Variants in ABL1 observed in about 807,000 individuals in gnomAD.
ABL1 encodes tyrosine-protein kinase ABL1.
ABL1 carries 11 observed loss-of-function variants against 94.7 expected under a neutral mutation model. The ratio of observed to expected loss-of-function variants is 0.12; its 90% confidence interval spans 0.07 to 0.19. ABL1 has a LOEUF of 0.19. ABL1 is among the 10% of genes least tolerant of loss of function. The pLI, the probability that ABL1 is intolerant of heterozygous loss-of-function variation, is 1.00. For synonymous variants in ABL1, 656 were observed against 622.4 expected (o/e 1.05, Z -0.80); for missense variants, 1,082 against 1,489.4 (o/e 0.73, Z 4.50).
intron 1 of ABL1, among the ~76,000 whole-genome samples, chr9:130,728,256 C>T (rs1037087379): frequency 5.0e-4 from 37 of 73,650 alleles, no homozygotes; most frequent in African/African-American, 1.4e-3. Flanking sequence ...TTTGTGGAGA[C>T]GGGGTTTCAT....
At chr9:130,799,791 C>T (rs1222305563) in intron 1 of ABL1, among the ~76,000 whole-genome samples, 1 of 152,010 alleles carries the variant, frequency 6.6e-6, no homozygotes, top group African/African-American at 2.4e-5. Flanking sequence ...TCAAAAAAAG[C>T]TTTGTGTAAT....
In ABL1 at chr9:130,880,058, A is replaced by G. The variant is rs1831424746; in HGVS notation, c.1424-10A>G. Reference sequence around the variant, plus strand: ...TCATGGATGATCTGACTTGGGTTTCATCTGTCCAGGTTGGCAGTGGAATCC... The same window carrying G: ...TCATGGATGATCTGACTTGGGTTTCGTCTGTCCAGGTTGGCAGTGGAATCC... On this transcript the variant is annotated splice_polypyrimidine_tract_variant and intron_variant, in intron 8 of 10. Transcript: ENST00000318560. This position sits in a 1 kb window ranked among gnomAD's most constrained non-coding sequence, Gnocchi z 4.4. 1 of 1,613,980 alleles carries G rather than the reference A, an allele frequency of 6.2e-7. No homozygotes were observed. Among genetic ancestry groups the G allele is most frequent in the South Asian group, 1.1e-5 (1 of 91,074 alleles).
chr9:130,720,603 T>G (rs1383609928), intron 1 of ABL1, among the ~76,000 whole-genome samples: 1 of 152,188 alleles, frequency 6.6e-6, no homozygotes, highest in Non-Finnish European at 1.5e-5. Flanking sequence ...TTGACTTTGA[T>G]TCATATGATG....
intron 1 of ABL1, among the ~76,000 whole-genome samples, chr9:130,848,476 C>A (rs1830808419): frequency 6.8e-6 from 1 of 148,010 alleles, no homozygotes; most frequent in African/African-American, 2.5e-5. Context: ...CTAGATCGCA[C>A]CACTGCACTT....
intron 10 of ABL1, among the ~76,000 whole-genome samples, chr9:130,881,084 G>A (rs1831444948): frequency 1.3e-5 from 2 of 152,250 alleles, no homozygotes; most frequent in South Asian, 2.1e-4. Context: ...ACCAGGACAC[G>A]CACATGGACA....
In ABL1 at chr9:130,884,760, G is replaced by T. The variant is rs376162814; in HGVS notation, c.2470G>T (p.Val824Leu). The change falls in exon 11 of 11, where the codon GTG (valine) becomes TTG (leucine). Residue 824 changes from valine (V) to leucine (L), a missense_variant. By Grantham distance (32) the Val-to-Leu change is conservative. Transcript: ENST00000318560. This position sits in a 1 kb window ranked among gnomAD's most constrained non-coding sequence, Gnocchi z 5.6. ...AAAACCCCTCCGGCGGCAGGTCACC[G>T]TGGCCCCTGCCTCGGGCCTCCCCCA... ...TPKPLRRQVT[V>L]APASGLPHKE... 49 of 1,612,008 alleles carry T rather than the reference G, an allele frequency of 3.0e-5. No individual in the cohort carries two copies. Among genetic ancestry groups the T allele is most frequent in the Non-Finnish European group, 4.1e-5 (48 of 1,179,600 alleles).
At chr9:130,855,564 G>A (rs1320457016) in intron 3 of ABL1, among the ~76,000 whole-genome samples, 1 of 152,176 alleles carries the variant, frequency 6.6e-6, no homozygotes, top group Non-Finnish European at 1.5e-5. Flanking sequence ...ATGGAGAGGT[G>A]TGTGGACATA....
intron 1 of ABL1, among the ~76,000 whole-genome samples, chr9:130,791,959 CAAG>C (rs1363200993): frequency 5.9e-5 from 9 of 152,102 alleles, no homozygotes; most frequent in Admixed American, 2.6e-4. Flanking sequence ...AGAACATCCT[CAAG>C]AAGAAGGGAA....
At chr9:130,857,238 G>T (rs1419957200) in intron 3 of ABL1, among the ~76,000 whole-genome samples, 1 of 152,188 alleles carries the variant, frequency 6.6e-6, no homozygotes, top group African/African-American at 2.4e-5. Context: ...CTGACTGAAG[G>T]TTATGTGCAT....
intron 1 of ABL1, among the ~76,000 whole-genome samples, chr9:130,786,305 G>A (rs1428429250): frequency 6.6e-6 from 1 of 152,206 alleles, no homozygotes; most frequent in Non-Finnish European, 1.5e-5. Flanking sequence ...TATTGGCTCT[G>A]TGTGTGAGAG....
chr9:130,825,736 CA>C (rs949115819), intron 1 of ABL1, among the ~76,000 whole-genome samples: 36 of 152,288 alleles, frequency 2.4e-4, no homozygotes, highest in Admixed American at 6.5e-4. Context: ...GAAAACATGG[CA>C]AAATCTCTTT....
chr9:130,884,337 T>C lies in ABL1; in HGVS notation c.2047T>C (p.Ser683Pro), dbSNP rs2133035637. ...GGAGTCCGGGGGCTCAGGCTTCCGG[T>C]CTCCCCACCTGTGGAAGAAGTCCAG... ...LRESGGSGFR[S>P]PHLWKKSSTL... is the part of the protein sequence containing the mutation. Residue 683 changes from serine to proline, a missense_variant, in exon 11 of 11, where the codon TCT (serine) becomes CCT (proline). By Grantham distance (74) the Ser-to-Pro change is moderately conservative. Coordinates refer to ENST00000318560, the MANE Select transcript of ABL1 (RefSeq NM_005157.6). This position sits in a 1 kb window ranked among gnomAD's most constrained non-coding sequence, Gnocchi z 5.6. 6.2e-7 allele frequency: 1 copy of C among 1,611,988 alleles called. No homozygotes were observed.
intron 3 of ABL1, among the ~76,000 whole-genome samples, chr9:130,856,159 G>T (rs1353287564): frequency 6.6e-6 from 1 of 152,168 alleles, no homozygotes; most frequent in Non-Finnish European, 1.5e-5. Context: ...TGCGTTCTCG[G>T]CTTACTGCAA....
At chr9:130,823,874 T>C (rs2132881723) in intron 1 of ABL1, among the ~76,000 whole-genome samples, 1 of 152,314 alleles carries the variant, frequency 6.6e-6, no homozygotes, top group South Asian at 2.1e-4. Context: ...AGTGTTGGGA[T>C]TGCAGGGTCC....
chr9:130,877,362 A>G lies in ABL1; in HGVS notation c.1271-1053A>G, dbSNP rs557455813. Among the ~76,000 whole-genome samples, 27 of 148,526 alleles carry G rather than the reference A, an allele frequency of 1.8e-4. 4 individuals carry two copies. The highest frequency in any genetic ancestry group is 6.7e-4 in the African/African-American group (26 of 39,028). ...AGATTTCAAAACTTTCAAAGATTTC[A>G]TAAGATTTTTATGAAATGTTTAGAG... On this transcript the variant is annotated intron_variant, in intron 7 of 10. Coordinates refer to ENST00000318560, the MANE Select transcript of ABL1 (RefSeq NM_005157.6).
At chr9:130,784,025 A>T (rs1014604794) in intron 1 of ABL1, among the ~76,000 whole-genome samples, 30 of 152,208 alleles carry the variant, frequency 2.0e-4, no homozygotes, top group African/African-American at 5.8e-4. Context: ...AAGACGCTTG[A>T]TAAACAGTAA....
chr9:130,846,081 CTG>C (rs10554440), intron 1 of ABL1, among the ~76,000 whole-genome samples: 6,278 of 147,790 alleles, frequency 0.042, 132 homozygotes, highest in Non-Finnish European at 0.052. Context: ...AAACGTATGT[CTG>C]TGTGTGTGTG....
In ABL1 at chr9:130,884,165, C is replaced by T. The variant is rs761516170; in HGVS notation, c.1875C>T (p.Asp625=). The part of the protein sequence containing the change: ...PKRSSSFREM[D]GQPERRGAGE... ...GCAGCAGCTCCTTCCGGGAGATGGA[C>T]GGCCAGCCGGAGCGCAGAGGGGCCG... The change falls in exon 11 of 11, where the codon GAC becomes GAT. Residue 625 remains aspartate, a synonymous_variant. Coordinates refer to ENST00000318560, the MANE Select transcript of ABL1 (RefSeq NM_005157.6). The surrounding 1 kb of genome is among the most constrained non-coding windows in gnomAD (Gnocchi z 5.6). 4 of 1,612,900 alleles carry T rather than the reference C, an allele frequency of 2.5e-6. No homozygotes were observed. Among genetic ancestry groups the T allele is most frequent in the East Asian group, 2.2e-5 (1 of 44,890 alleles).
At chr9:130,768,932 A>G (rs944910127) in intron 1 of ABL1, among the ~76,000 whole-genome samples, 1 of 152,206 alleles carries the variant, frequency 6.6e-6, no homozygotes, top group Non-Finnish European at 1.5e-5. Context: ...TGGAAAAGCA[A>G]GGGTAATATA....
Sources: gnomAD v4.1 joint callset for allele counts (sites outside exome capture counted in the v4.1 genomes callset) on GRCh38, gnomAD v4.1.1 for gene constraint, Gnocchi (gnomAD v3.1) non-coding constraint, MANE v1.5 for transcripts, NCBI Gene and HGNC (gene_info 2026-07-23, HGNC 2026-07-21) for gene names.